The following TBC1D4 variants were observed in gnomAD, a reference collection of about 807,000 sequenced individuals.
TBC1D4 encodes the protein TBC (Tre-2, BUB2, CDC16) domain-containing protein.
A neutral mutation model predicts 142.5 loss-of-function variants in TBC1D4; 121 were observed. The ratio of observed to expected loss-of-function variants is 0.85; its 90% confidence interval spans 0.73 to 0.99. TBC1D4 has a LOEUF of 0.99. TBC1D4 is among the 50% of genes least tolerant of loss of function. The probability of loss-of-function intolerance (pLI) is 0.00; values close to 1 mark genes in which losing one functional copy is unlikely to be tolerated. For synonymous variants in TBC1D4, 630 were observed against 628.2 expected (o/e 1.00, Z -0.04); for missense variants, 1,475 against 1,606.6 (o/e 0.92, Z 1.40).
chr13:75,352,900 GT>G (rs1384295502), intron 4 of TBC1D4, among the ~76,000 whole-genome samples: 1 of 152,158 alleles, frequency 6.6e-6, no homozygotes, highest in Non-Finnish European at 1.5e-5. Flanking sequence ...TTAATTGACT[GT>G]TTTGTTTTGG....
intron 1 of TBC1D4, among the ~76,000 whole-genome samples, chr13:75,363,088 A>G (rs1404519447): frequency 6.6e-6 from 1 of 152,228 alleles, no homozygotes; most frequent in Non-Finnish European, 1.5e-5. Context: ...TATACCTCTT[A>G]GAATGGCTAA....
At chr13:75,405,830 C>CAA (rs5804812) in intron 1 of TBC1D4, among the ~76,000 whole-genome samples, 1 of 151,908 alleles carries the variant, frequency 6.6e-6, no homozygotes, top group Non-Finnish European at 1.5e-5. Flanking sequence ...AGAGTAGACC[C>CAA]AAAAAAATGG....
intron 1 of TBC1D4, among the ~76,000 whole-genome samples, chr13:75,382,545 T>A (rs1408930): frequency 0.25 from 38,263 of 152,192 alleles, 5,315 homozygotes; most frequent in African/African-American, 0.37. Context: ...AAAAGATGTT[T>A]TAATTTGAAT....
At chr13:75,402,748 A>C (rs935572976) in intron 1 of TBC1D4, among the ~76,000 whole-genome samples, 1 of 151,960 alleles carries the variant, frequency 6.6e-6, no homozygotes. Context: ...TTTTGTATAA[A>C]TATTTTAATT....
chr13:75,405,393 C>T (rs1231509511), intron 1 of TBC1D4, among the ~76,000 whole-genome samples: 4 of 151,736 alleles, frequency 2.6e-5, no homozygotes, highest in African/African-American at 9.7e-5. Context: ...CCTCAGCCTC[C>T]CGAGTAGCTG....
intron 12 of TBC1D4, among the ~76,000 whole-genome samples, chr13:75,318,759 T>G (rs1878517031): frequency 6.6e-6 from 1 of 152,200 alleles, no homozygotes; most frequent in Non-Finnish European, 1.5e-5. Flanking sequence ...AGAGATAGAT[T>G]AGTCAGTGGA....
Position 75,341,141 on chromosome 13 carries a change from A to C in TBC1D4, c.1595T>G (p.Ile532Ser), listed in dbSNP as rs200783908. Residue 532 changes from isoleucine (I) to serine (S), a missense_variant, in exon 7 of 21, where the codon ATC becomes AGC. Around this residue, in one of 2 missense-constraint regions of TBC1D4, gnomAD observed 1,227 missense variants for 1,267.7 expected, o/e 0.97. Transcript: ENST00000377636. The stretch of plus-strand genomic sequence containing the variant: ...TCTTCTCACAGAAGGGCCTTCCCCG[A>C]TGTGCACGTGTGTCTTCTGCTTGGC... ...CEAKQKTHVH[I>S]GEGPSTISNS... The C allele has an allele frequency of 4.5e-4, 727 of 1,613,234 alleles. 1 individual carries two copies. Among genetic ancestry groups the C allele is most frequent in the Non-Finnish European group, 5.9e-4 (698 of 1,179,788 alleles).
intron 2 of TBC1D4, 123 bp downstream of exon 2, chr13:75,361,903 G>C (rs1882552525): frequency 8.3e-7 from 1 of 1,210,986 alleles, no homozygotes; most frequent in African/African-American, 1.5e-5. Flanking sequence ...TGCTTTGAAG[G>C]GGAAAACAAA....
At position 75,343,503 on chromosome 13, in the gene TBC1D4, GTTTAT is replaced by G. The variant is rs551919027; in HGVS notation, c.1409-1921_1409-1917del. On this transcript the variant is annotated intron_variant, in intron 5 of 20. Transcript: ENST00000377636. ...TGGTATGACACCACTCACTATCACAGTTTATTTTATTTTATTTTATTTTATTTATT... is the reference window on the plus strand; with the variant it reads ...TGGTATGACACCACTCACTATCACAGTTTATTTTATTTTATTTTATTTATT... 6.3e-4 allele frequency among the ~76,000 whole-genome samples: 96 copies of G among 152,080 alleles called. 2 individuals are homozygous for G. In the South Asian group the frequency reaches 0.018, roughly 29 times the overall value.
intron 13 of TBC1D4, 87 bp from the exon 14 acceptor site, chr13:75,310,238 T>G: frequency 8.2e-6 from 11 of 1,335,616 alleles, no homozygotes; most frequent in Non-Finnish European, 1.1e-5. Context: ...TCATCTGATC[T>G]TCTACACTTA....
At chr13:75,300,557 A>G (rs150860678) in intron 16 of TBC1D4, among the ~76,000 whole-genome samples, 9 of 152,324 alleles carry the variant, frequency 5.9e-5, no homozygotes, top group African/African-American at 2.2e-4. Context: ...CAGAGCCAGT[A>G]AGAGGAAGAT....
intron 1 of TBC1D4, among the ~76,000 whole-genome samples, chr13:75,433,329 T>G (rs962651697): frequency 6.6e-6 from 1 of 152,184 alleles, no homozygotes; most frequent in African/African-American, 2.4e-5. Context: ...ACTCACTAAG[T>G]ATGTATGGAA....
rs188547450 is a variant in TBC1D4 at position 75,347,088 on chromosome 13, G to A, written c.1408+2082C>T. Among the ~76,000 whole-genome samples, 9 of 151,950 alleles carry A rather than the reference G, an allele frequency of 5.9e-5. No homozygotes were observed. The East Asian group carries it at 1.7e-3, about 29-fold the overall frequency. On this transcript the variant is annotated intron_variant, in intron 5 of 20. Coordinates refer to ENST00000377636, the MANE Select transcript of TBC1D4 (RefSeq NM_014832.5). ...GATAACAGAGTATGTGCAATGTTAG[G>A]TTAATGAGTTTATATTAACTGTCCC...
intron 1 of TBC1D4, among the ~76,000 whole-genome samples, chr13:75,445,310 G>T (rs1268109491): frequency 6.6e-6 from 1 of 152,092 alleles, no homozygotes. Flanking sequence ...ATACTCAAGT[G>T]GTTATTGAAT....
chr13:75,443,741 C>T (rs1887150594), intron 1 of TBC1D4, among the ~76,000 whole-genome samples: 1 of 152,188 alleles, frequency 6.6e-6, no homozygotes, highest in South Asian at 2.1e-4. Flanking sequence ...CCTGTATCTG[C>T]CACCAAGCCC....
intron 3 of TBC1D4, among the ~76,000 whole-genome samples, chr13:75,356,683 T>A (rs1882077558): frequency 6.6e-6 from 1 of 152,210 alleles, no homozygotes; most frequent in African/African-American, 2.4e-5. Flanking sequence ...TTAACTGGTA[T>A]GGAATTCCCT....
rs1369973298 is a variant in TBC1D4, at chr13:75,476,950, C to T, written c.498+4320G>A. Among the ~76,000 whole-genome samples the T allele has an allele frequency of 3.9e-5, 6 of 152,290 alleles. No individual in the cohort carries two copies. The South Asian group carries it at 1.0e-3, about 26-fold the overall frequency. ...ATCAAGCCCTGACACTGAACACCTT[C>T]AATTTTCAGCTTAGGGCTCCTATCA... On this transcript the variant is annotated intron_variant, in intron 1 of 20. Coordinates refer to ENST00000377636, the MANE Select transcript of TBC1D4 (RefSeq NM_014832.5).
At chr13:75,434,750 A>T (rs1420530019) in intron 1 of TBC1D4, among the ~76,000 whole-genome samples, 1 of 152,096 alleles carries the variant, frequency 6.6e-6, no homozygotes, top group African/African-American at 2.4e-5. Flanking sequence ...TATAAGTTGC[A>T]TATTTCAAAA....
intron 18 of TBC1D4, among the ~76,000 whole-genome samples, chr13:75,292,723 T>C (rs1257474925): frequency 8.1e-6 from 1 of 123,326 alleles, no homozygotes; most frequent in Admixed American, 7.7e-5. Flanking sequence ...CACCAGGAAA[T>C]TAAAAAAAAA....
Sources: allele counts gnomAD v4.1 joint callset (sites outside exome capture counted in the v4.1 genomes callset), GRCh38; gene constraint gnomAD v4.1.1; regional missense constraint gnomAD v4.1.1; transcripts MANE v1.5; gene names NCBI Gene and HGNC (gene_info 2026-07-23, HGNC 2026-07-21).